The following SP140L variants were observed in gnomAD, a reference collection of about 807,000 sequenced individuals.
The protein encoded by SP140L is nuclear body protein SP140-like protein.
SP140L carries 64 observed loss-of-function variants against 84.3 expected under a neutral mutation model. That is an observed-to-expected ratio of 0.76 (90% CI 0.62 to 0.94). The LOEUF is 0.94. Ranked by LOEUF, SP140L falls within the 40% of genes least tolerant of loss-of-function variation. The pLI is 0.00. For synonymous variants in SP140L, 242 were observed against 236.9 expected, an observed-to-expected ratio of 1.02 and a Z score of -0.20; for missense variants, 628 against 692.5, an observed-to-expected ratio of 0.91 and a Z score of 1.05.
rs539503289 is a variant in SP140L, at chr2:230,389,029, C to A, written c.859+396C>A. 2.3e-3 allele frequency among the ~76,000 whole-genome samples: 346 copies of A among 152,314 alleles called. 4 individuals are homozygous for A. The highest frequency in any genetic ancestry group is 7.9e-3 in the African/African-American group (329 of 41,572). On this transcript the variant is annotated intron_variant, in intron 10 of 18. Transcript: ENST00000415673. ...GTGGTTAGAGATCTGTGTCCTAAGG[C>A]TTTTTGGCTTTTTAAAAAATCTTTG...
At chr2:230,361,008 T>C (rs1467864850) in intron 4 of SP140L, among the ~76,000 whole-genome samples, 2 of 152,176 alleles carry the variant, frequency 1.3e-5, no homozygotes, top group African/African-American at 2.4e-5. Flanking sequence ...GGCAGGCTAG[T>C]GAGCTATCTC....
rs767874251 is a variant in SP140L at position 230,357,941 on chromosome 2, G to A, written c.244G>A (p.Glu82Lys). 1 of 1,613,436 alleles carries A rather than the reference G, an allele frequency of 6.2e-7. No homozygotes were observed. Among genetic ancestry groups the A allele is most frequent in the African/African-American group, 1.3e-5 (1 of 74,850 alleles). Residue 82 changes from glutamate to lysine, a missense_variant, in exon 3 of 19, where the codon GAA becomes AAA. Glu to Lys is a moderately conservative substitution (Grantham distance 56). Transcript: ENST00000415673. ...ATTCCTTGAGGGCCTCCGCGATCGGGAACTCATCACAAATAAAATGTTTGA... is the reference window on the plus strand; with the variant it reads ...ATTCCTTGAGGGCCTCCGCGATCGGAAACTCATCACAAATAAAATGTTTGA... ...FPFLEGLRDR[E>K]LITNKMFEDS...
intron 7 of SP140L, among the ~76,000 whole-genome samples, chr2:230,373,249 A>G (rs984991661): frequency 6.6e-6 from 1 of 152,264 alleles, no homozygotes; most frequent in African/African-American, 2.4e-5. Context: ...AGAGTTGGCA[A>G]CACTAAACAA....
At chr2:230,330,566 T>C (rs2059699172) in intron 2 of SP140L, among the ~76,000 whole-genome samples, 1 of 152,256 alleles carries the variant, frequency 6.6e-6, no homozygotes, top group Non-Finnish European at 1.5e-5. Flanking sequence ...CCGACATATT[T>C]ACAATATTAT....
intron 2 of SP140L, among the ~76,000 whole-genome samples, chr2:230,350,044 T>A (rs758358843): frequency 2.6e-5 from 4 of 151,934 alleles, no homozygotes; most frequent in Non-Finnish European, 4.4e-5. Context: ...TACTCTAAAG[T>A]CTTATTCTAT....
At chr2:230,379,166 A>G (rs1248146797) in intron 7 of SP140L, among the ~76,000 whole-genome samples, 1 of 152,028 alleles carries the variant, frequency 6.6e-6, no homozygotes, top group African/African-American at 2.4e-5. Context: ...AGCTTTTGCA[A>G]TTTTATCTGA....
intron 11 of SP140L, among the ~76,000 whole-genome samples, chr2:230,391,138 T>C (rs1327492227): frequency 6.6e-6 from 1 of 152,248 alleles, no homozygotes; most frequent in Non-Finnish European, 1.5e-5. Flanking sequence ...TCAACTTGGG[T>C]TATTTTCACT....
chr2:230,337,869 C>T (rs980529095), intron 2 of SP140L, among the ~76,000 whole-genome samples: 2 of 152,042 alleles, frequency 1.3e-5, no homozygotes, highest in Non-Finnish European at 2.9e-5. Context: ...CGTTTTGGTA[C>T]CAGTACCATG....
intron 2 of SP140L, among the ~76,000 whole-genome samples, chr2:230,333,571 C>T (rs1426860576): frequency 1.3e-5 from 2 of 152,108 alleles, no homozygotes; most frequent in Non-Finnish European, 2.9e-5. Flanking sequence ...TTTGCCTTGG[C>T]GTGAGTGTTG....
In SP140L at chr2:230,389,999, T is replaced by C. The variant is rs2149806394; in HGVS notation, c.940T>C (p.Leu314=). Residue 314 remains leucine, a synonymous_variant, in exon 11 of 19, where the codon TTA becomes CTA. Coordinates refer to ENST00000415673, the MANE Select transcript of SP140L (RefSeq NM_138402.6). ...GACCTGTGGTGGGGTGAAGGGAATTTTACATAAGGAGAAATTGGAACAAGG... is the reference window on the plus strand; with the variant it reads ...GACCTGTGGTGGGGTGAAGGGAATTCTACATAAGGAGAAATTGGAACAAGG... ...PVTCGGVKGI[L]HKEKLEQGTL... is the part of the protein sequence containing the mutation. 2 of 1,613,652 alleles carry C rather than the reference T, an allele frequency of 1.2e-6. No individual in the cohort carries two copies. The highest frequency in any genetic ancestry group is 2.2e-5 in the South Asian group (2 of 91,050).
At chr2:230,394,654 A>G (rs547516875) in intron 13 of SP140L, among the ~76,000 whole-genome samples, 2 of 152,270 alleles carry the variant, frequency 1.3e-5, no homozygotes, top group South Asian at 4.1e-4. Context: ...CTCTCCCTCT[A>G]TTCAGGGGTG....
At chr2:230,356,701 G>A (rs116262524) in intron 2 of SP140L, among the ~76,000 whole-genome samples, 5,366 of 152,132 alleles carry the variant, frequency 0.035, 338 homozygotes, top group African/African-American at 0.12. Flanking sequence ...TGTTTCTTCC[G>A]AATTCTGTAG....
intron 7 of SP140L, among the ~76,000 whole-genome samples, chr2:230,377,986 A>G (rs4638786): frequency 0.23 from 34,959 of 152,040 alleles, 4,258 homozygotes; most frequent in Non-Finnish European, 0.28. Flanking sequence ...TAGTTTTTGC[A>G]TATAGTTTGA....
intron 2 of SP140L, among the ~76,000 whole-genome samples, chr2:230,339,342 A>G (rs1486219140): frequency 8.2e-6 from 1 of 121,644 alleles, no homozygotes; most frequent in Non-Finnish European, 1.8e-5. Context: ...CGGTGGTGAC[A>G]TCCCCTTTAT....
intron 15 of SP140L, chr2:230,400,614 G>A (rs2062284051): frequency 3.9e-6 from 2 of 510,392 alleles, no homozygotes; most frequent in South Asian, 2.1e-5. Flanking sequence ...GTCTTAGGCG[G>A]ATGGAGGCCT....
intron 14 of SP140L, among the ~76,000 whole-genome samples, chr2:230,397,715 G>A (rs2062115164): frequency 6.6e-6 from 1 of 152,104 alleles, no homozygotes; most frequent in Admixed American, 6.5e-5. Context: ...GCAGAGGAGG[G>A]ATGCTCAAAT....
rs553186752 is a variant in SP140L at position 230,342,213 on chromosome 2, C to T, written c.107+13382C>T. 1.4e-4 allele frequency: 22 copies of T among 161,142 alleles called. No homozygotes were observed. In the South Asian group the frequency reaches 1.9e-3, roughly 14 times the overall value. 10.0% of individuals were successfully genotyped at this position (161,142 alleles called of 1,614,324 possible). A position where few individuals can be genotyped will look rare whatever the true frequency, so the allele number is the denominator to read the frequency against. ...CTCGTGGTGCGCCGTTTTTTAAGCCCGTCGGAAAAGCGCAGTATTCAGGTG... is the reference window on the plus strand; with the variant it reads ...CTCGTGGTGCGCCGTTTTTTAAGCCTGTCGGAAAAGCGCAGTATTCAGGTG... On this transcript the variant is annotated intron_variant, in intron 2 of 18. Coordinates refer to ENST00000415673, the MANE Select transcript of SP140L (RefSeq NM_138402.6).
intron 4 of SP140L, 92 bp downstream of exon 4, chr2:230,359,224 G>T: frequency 8.9e-7 from 1 of 1,124,706 alleles, no homozygotes. Flanking sequence ...GATACATTGT[G>T]TTGGGCAGTG....
chr2:230,382,476 C>T (rs2061442031), intron 7 of SP140L, among the ~76,000 whole-genome samples: 1 of 152,124 alleles, frequency 6.6e-6, no homozygotes, highest in Admixed American at 6.5e-5. Flanking sequence ...CTGTCTGTAC[C>T]ATTCTGGTGG....
Sources: allele counts gnomAD v4.1 joint callset (sites outside exome capture counted in the v4.1 genomes callset), GRCh38; gene constraint gnomAD v4.1.1; transcripts MANE v1.5; gene names NCBI Gene and HGNC (gene_info 2026-07-23, HGNC 2026-07-21).